Variants in TMEM117 observed in about 807,000 individuals in gnomAD.
TMEM117 encodes transmembrane protein 117.
TMEM117 carries 27 observed loss-of-function variants against 52.4 expected under a neutral mutation model. The ratio of observed to expected loss-of-function variants is 0.51; its 90% CI spans 0.38 to 0.71. The LOEUF (loss-of-function observed/expected upper bound fraction) is 0.71, where lower values mean the gene tolerates loss of function less well. Ranked by LOEUF, TMEM117 falls within the 30% of genes least tolerant of loss-of-function variation. The pLI is 0.00. For synonymous variants in TMEM117, 215 were observed against 206.3 expected, an observed-to-expected ratio of 1.04 and a Z score of -0.36; for missense variants, 556 against 630.5, an observed-to-expected ratio of 0.88 and a Z score of 1.26.
Position 43,844,746 on chromosome 12 carries a change from A to C in TMEM117, c.95A>C (p.Glu32Ala), listed in dbSNP as rs1191547714. ...VIFFNFLIFA[E>A]DPVSHSQTEA... ...TTCTTTAACTTCTTAATATTTGCGG[A>C]GGACCCAGTTTCTCATAGCCAAACA... The change falls in exon 2 of 8, where the codon GAG becomes GCG. Residue 32 changes from glutamate (E) to alanine (A), a missense_variant. Physicochemically the swap from Glu to Ala is moderately radical, Grantham distance 107. Around this residue, in one of 3 missense-constraint regions of TMEM117, gnomAD observed 328 missense variants for 371.4 expected, o/e 0.88. Transcript: ENST00000266534. 2.5e-6 allele frequency: 4 copies of C among 1,614,146 alleles called. No homozygotes were observed. The highest frequency in any genetic ancestry group is 3.4e-6 in the Non-Finnish European group (4 of 1,180,030).
In TMEM117 at chr12:44,041,680, T is replaced by C. The variant is rs192597237; in HGVS notation, c.410+97338T>C. Among the ~76,000 whole-genome samples the C allele has an allele frequency of 2.1e-3, 326 of 152,136 alleles. 2 individuals are homozygous for C. The highest frequency in any genetic ancestry group is 3.7e-3 in the Non-Finnish European group (249 of 67,988). On this transcript the variant is annotated intron_variant, in intron 3 of 7. Transcript: ENST00000266534. ...AGAGACACAGTGAAAAAAGAAAACT[T>C]CAGACCAATATCCCTGATGAACATA... is the stretch of plus-strand genomic sequence containing the variant.
At chr12:44,181,830 G>T (rs371332462) in intron 4 of TMEM117, among the ~76,000 whole-genome samples, 1 of 150,914 alleles carries the variant, frequency 6.6e-6, no homozygotes, top group Non-Finnish European at 1.5e-5. Flanking sequence ...TTGACTTGGC[G>T]ATGCGGGCTC....
the TMEM117 span, among the ~76,000 whole-genome samples, chr12:43,822,264 C>G: frequency 6.6e-6 from 1 of 152,188 alleles, no homozygotes; most frequent in Non-Finnish European, 1.5e-5. Context: ...CACATTAAAA[C>G]AAGATTTTTA....
intron 3 of TMEM117, among the ~76,000 whole-genome samples, chr12:44,012,489 A>G (rs1411522056): frequency 8.6e-6 from 1 of 116,228 alleles, no homozygotes; most frequent in South Asian, 2.6e-4. Context: ...ATTCCTTTTT[A>G]TTTTCTTTTT....
chr12:44,390,198 TGA>T (rs1491266192), downstream of TMEM117, among the ~76,000 whole-genome samples: 8 of 129,800 alleles, frequency 6.2e-5, no homozygotes, highest in African/African-American at 2.8e-4. Context: ...TAAACATATC[TGA>T]CACACACACA....
intron 1 of TMEM117, among the ~76,000 whole-genome samples, chr12:43,838,180 A>G (rs1303987086): frequency 1.3e-5 from 2 of 151,986 alleles, no homozygotes; most frequent in African/African-American, 4.8e-5. Context: ...GCTATGTATA[A>G]TCTTTTCCTG....
At chr12:44,184,126 A>G (rs978812643) in intron 4 of TMEM117, among the ~76,000 whole-genome samples, 21 of 152,238 alleles carry the variant, frequency 1.4e-4, no homozygotes, top group African/African-American at 5.1e-4. Flanking sequence ...CGGGCGGATC[A>G]CTTGAGGTCA....
chr12:43,989,810 A>T (rs1945908626), intron 3 of TMEM117, among the ~76,000 whole-genome samples: 1 of 152,070 alleles, frequency 6.6e-6, no homozygotes, highest in Admixed American at 6.6e-5. Context: ...CTCAAACAAT[A>T]ATCTGGAGTA....
At chr12:44,141,044 T>G (rs1236473167) in intron 3 of TMEM117, among the ~76,000 whole-genome samples, 1 of 152,102 alleles carries the variant, frequency 6.6e-6, no homozygotes. Context: ...TCCACAGTTC[T>G]CTCTAATCTG....
chr12:43,920,044 CA>C (rs1480648523), intron 2 of TMEM117, among the ~76,000 whole-genome samples: 1 of 151,992 alleles, frequency 6.6e-6, no homozygotes, highest in Non-Finnish European at 1.5e-5. Context: ...CCCTGTGGCA[CA>C]ACCCATGTCA....
intron 2 of TMEM117, among the ~76,000 whole-genome samples, chr12:43,942,630 T>TA (rs1489372482): frequency 6.6e-6 from 1 of 152,148 alleles, no homozygotes; most frequent in Non-Finnish European, 1.5e-5. Flanking sequence ...CTTTTTTTTT[T>TA]ACTCTTCATC....
At chr12:44,093,997 G>A (rs1041850120) in intron 3 of TMEM117, among the ~76,000 whole-genome samples, 3 of 152,038 alleles carry the variant, frequency 2.0e-5, no homozygotes, top group Non-Finnish European at 4.4e-5. Context: ...AAGGGCTAGA[G>A]TATGAAAAAT....
At chr12:44,032,644 G>A (rs1258573728) in intron 3 of TMEM117, among the ~76,000 whole-genome samples, 2 of 152,090 alleles carry the variant, frequency 1.3e-5, no homozygotes, top group Non-Finnish European at 2.9e-5. Context: ...CTTGGTGTAG[G>A]AATGAAGGAC....
At chr12:44,370,442 T>G (rs1951847284) in intron 6 of TMEM117, among the ~76,000 whole-genome samples, 1 of 152,152 alleles carries the variant, frequency 6.6e-6, no homozygotes, top group Non-Finnish European at 1.5e-5. Context: ...CAAGTATTTA[T>G]TGTGTTGTTT....
intron 3 of TMEM117, among the ~76,000 whole-genome samples, chr12:43,992,379 C>T (rs1242457522): frequency 1.3e-5 from 2 of 151,910 alleles, no homozygotes; most frequent in Non-Finnish European, 2.9e-5. Context: ...AGTGATCTCC[C>T]ACCTCAGCCT....
At chr12:44,281,294 T>G (rs915946938) in intron 5 of TMEM117, among the ~76,000 whole-genome samples, 4 of 152,214 alleles carry the variant, frequency 2.6e-5, no homozygotes, top group Non-Finnish European at 4.4e-5. Flanking sequence ...TTTATGTTTA[T>G]AATATCTGCC....
chr12:43,872,776 T>C (rs937103413), intron 2 of TMEM117, among the ~76,000 whole-genome samples: 1 of 152,208 alleles, frequency 6.6e-6, no homozygotes, highest in Non-Finnish European at 1.5e-5. Flanking sequence ...GAAATTGTCA[T>C]GAAATAAAAT....
At chr12:43,961,281 CAATA>C (rs1945398758) in intron 3 of TMEM117, among the ~76,000 whole-genome samples, 1 of 151,856 alleles carries the variant, frequency 6.6e-6, no homozygotes, top group Non-Finnish European at 1.5e-5. Context: ...TAATTAAAAA[CAATA>C]AATAATTTGG....
chr12:43,954,261 A>G (rs940931481), intron 3 of TMEM117, among the ~76,000 whole-genome samples: 9 of 152,222 alleles, frequency 5.9e-5, no homozygotes, highest in African/African-American at 2.2e-4. Context: ...CCAAGAGGAA[A>G]CAAATCTCAT....
Sources: allele counts gnomAD v4.1 joint callset (sites outside exome capture counted in the v4.1 genomes callset), GRCh38; gene constraint gnomAD v4.1.1; regional missense constraint gnomAD v4.1.1; transcripts MANE v1.5; gene names NCBI Gene and HGNC (gene_info 2026-07-23, HGNC 2026-07-21).